ASPH: variants seen among roughly 807,000 people sequenced by gnomAD.
ASPH encodes aspartate beta-hydroxylase.
A neutral mutation model predicts 118.4 loss-of-function variants in ASPH; 100 were observed. The observed-to-expected ratio is 0.84, with a 90% confidence interval of 0.72 to 1.00. The LOEUF (loss-of-function observed/expected upper bound fraction) is 1.00, where lower values mean the gene tolerates loss of function less well. ASPH is among the 50% of genes least tolerant of loss of function. The probability of loss-of-function intolerance (pLI) is 0.00; values close to 1 mark genes in which losing one functional copy is unlikely to be tolerated. For synonymous variants in ASPH, 315 were observed against 325.6 expected, an observed-to-expected ratio of 0.97 and a Z score of 0.35; for missense variants, 920 against 919.5, an observed-to-expected ratio of 1.00 and a Z score of -0.01.
rs568188496 is a variant in ASPH at position 61,558,798 on chromosome 8, G to A, written c.1438-2776C>T. On this transcript the variant is annotated intron_variant, in intron 18 of 24. Transcript: ENST00000379454. ...CAGAAAATGACAAGTGGTTTTATGAGATTTCTAAAAAACCCAGATTGAGGC... is the reference window on the plus strand; with the variant it reads ...CAGAAAATGACAAGTGGTTTTATGAAATTTCTAAAAAACCCAGATTGAGGC... 6.6e-5 allele frequency among the ~76,000 whole-genome samples: 10 copies of A among 152,276 alleles called. No homozygotes were observed. In the East Asian group the frequency reaches 1.9e-3, roughly 29 times the overall value.
At chr8:61,509,729 T>C (rs1808086421) in intron 24 of ASPH, among the ~76,000 whole-genome samples, 1 of 152,128 alleles carries the variant, frequency 6.6e-6, no homozygotes, top group Admixed American at 6.6e-5. Context: ...AGAGATGGGA[T>C]GCCTTCCTCC....
chr8:61,691,483 T>G (rs367942722), intron 1 of ASPH, among the ~76,000 whole-genome samples: 1 of 152,212 alleles, frequency 6.6e-6, no homozygotes, highest in Non-Finnish European at 1.5e-5. Context: ...TTGACAGGGG[T>G]TAAGGTGACC....
chr8:61,657,479 T>C (rs889924852), intron 3 of ASPH: 37 of 152,190 alleles, frequency 2.4e-4, no homozygotes, highest in African/African-American at 8.7e-4. Context: ...TACCGAATAC[T>C]GTAGACAATT....
chr8:61,522,018 TC>T lies in ASPH; in HGVS notation c.1901-3896del, dbSNP rs570757819. Among the ~76,000 whole-genome samples the T allele has an allele frequency of 1.9e-3, 293 of 152,270 alleles. 1 individual carries two copies. The highest frequency in any genetic ancestry group is 6.6e-3 in the African/African-American group (275 of 41,556). ...GGCTGTTGGGGTCAGTTAGCACCTT[TC>T]CCATGGGCTCTGGAAGAAAAAAATG... On this transcript the variant is annotated intron_variant, in intron 22 of 24. Coordinates refer to ENST00000379454, the MANE Select transcript of ASPH (RefSeq NM_004318.4).
At chr8:61,647,467 T>G (rs917805661) in intron 5 of ASPH, among the ~76,000 whole-genome samples, 1 of 151,980 alleles carries the variant, frequency 6.6e-6, no homozygotes, top group Non-Finnish European at 1.5e-5. Flanking sequence ...GGTCAGGAGT[T>G]CAAGACCAGC....
intron 13 of ASPH, among the ~76,000 whole-genome samples, chr8:61,627,936 T>C (rs1853661172): frequency 6.6e-6 from 1 of 152,032 alleles, no homozygotes. Context: ...TGGACTCCTC[T>C]CCCTCCCCCA....
intron 3 of ASPH, among the ~76,000 whole-genome samples, chr8:61,666,717 C>T (rs984908545): frequency 1.3e-5 from 2 of 152,060 alleles, no homozygotes; most frequent in Non-Finnish European, 1.5e-5. Flanking sequence ...GGTGATCAAC[C>T]AGGAGATTCT....
At chr8:61,517,093 A>G (rs1427561423) in intron 24 of ASPH, 1 of 155,594 alleles carries the variant, frequency 6.4e-6, no homozygotes, top group African/African-American at 2.4e-5. Context: ...CCATTGCACC[A>G]TACCATCTCC....
At chr8:61,699,280 C>G (rs1834682781) in intron 1 of ASPH, among the ~76,000 whole-genome samples, 1 of 152,184 alleles carries the variant, frequency 6.6e-6, no homozygotes, top group Non-Finnish European at 1.5e-5. Context: ...ACATACAGAT[C>G]AGTAAAAATT....
At chr8:61,710,078 C>A (rs1306874376) in intron 1 of ASPH, among the ~76,000 whole-genome samples, 1 of 152,154 alleles carries the variant, frequency 6.6e-6, no homozygotes, top group Non-Finnish European at 1.5e-5. Context: ...TTGCACTCAC[C>A]CCTACTATTA....
At chr8:61,622,805 A>G (rs1209034569) in intron 13 of ASPH, among the ~76,000 whole-genome samples, 1 of 152,128 alleles carries the variant, frequency 6.6e-6, no homozygotes, top group Non-Finnish European at 1.5e-5. Context: ...CAGAAGTAAT[A>G]CTTATCTGCT....
intron 20 of ASPH, among the ~76,000 whole-genome samples, chr8:61,552,201 G>C (rs990931832): frequency 3.3e-5 from 5 of 152,312 alleles, no homozygotes; most frequent in African/African-American, 1.2e-4. Context: ...ACTCTAAGGA[G>C]AGCCCAGCTC....
chr8:61,578,195 G>A (rs778408565), intron 15 of ASPH: 187 of 1,551,470 alleles, frequency 1.2e-4, no homozygotes, highest in Middle Eastern at 5.2e-4. Flanking sequence ...GGTTCGGCCC[G>A]CCTGCCTCCA....
At chr8:61,587,830 CCA>C (rs1269609222) in intron 14 of ASPH, among the ~76,000 whole-genome samples, 3 of 152,128 alleles carry the variant, frequency 2.0e-5, no homozygotes, top group Non-Finnish European at 4.4e-5. Context: ...CTGCTAAAAA[CCA>C]CAGACTCACT....
intron 21 of ASPH, among the ~76,000 whole-genome samples, chr8:61,545,772 A>G (rs2130791165): frequency 6.6e-6 from 1 of 152,268 alleles, no homozygotes; most frequent in South Asian, 2.1e-4. Flanking sequence ...CAGATAAACC[A>G]TTTATTTGAT....
At chr8:61,706,890 C>A (rs1447924376) in intron 1 of ASPH, among the ~76,000 whole-genome samples, 1 of 152,176 alleles carries the variant, frequency 6.6e-6, no homozygotes, top group Non-Finnish European at 1.5e-5. Flanking sequence ...AATCAACTAA[C>A]AGTACAGGAC....
At chr8:61,586,107 T>A (rs533273627) in intron 14 of ASPH, among the ~76,000 whole-genome samples, 9 of 152,260 alleles carry the variant, frequency 5.9e-5, no homozygotes, top group African/African-American at 1.9e-4. Flanking sequence ...TCCTAGATGA[T>A]CCCTTTCCTT....
chr8:61,578,962 T>C (rs1836390621), intron 15 of ASPH: 17 of 1,611,232 alleles, frequency 1.1e-5, no homozygotes, highest in Admixed American at 1.7e-5. Flanking sequence ...GTGCTGTCCA[T>C]GGACAACAGC....
chr8:61,506,178 T>C (rs1309804091), intron 24 of ASPH, among the ~76,000 whole-genome samples: 1 of 152,244 alleles, frequency 6.6e-6, no homozygotes, highest in Non-Finnish European at 1.5e-5. Context: ...TGCTACAACA[T>C]GTATGAACTC....
Sources: allele counts gnomAD v4.1 joint callset (sites outside exome capture counted in the v4.1 genomes callset), GRCh38; gene constraint gnomAD v4.1.1; transcripts MANE v1.5; gene names NCBI Gene and HGNC (gene_info 2026-07-23, HGNC 2026-07-21).